The following FHIP1B variants were observed in gnomAD, a reference collection of about 807,000 sequenced individuals.
The protein encoded by FHIP1B is FHF complex subunit HOOK-interacting protein 1B.
FHIP1B carries 28 observed loss-of-function variants against 82.2 expected under a neutral mutation model. The ratio of observed to expected loss-of-function variants is 0.34; its 90% CI spans 0.25 to 0.47. The LOEUF (loss-of-function observed/expected upper bound fraction) is 0.47. Among genes scored for constraint, FHIP1B ranks in the 20% least tolerant of loss-of-function variants. The pLI, the probability that FHIP1B is intolerant of heterozygous loss-of-function variation, is 1.00. For missense variants in FHIP1B, 1,110 were observed against 1,262.6 expected, an observed-to-expected ratio of 0.88 and a Z score of 1.83; for synonymous variants, 585 against 516.1, an observed-to-expected ratio of 1.13 and a Z score of -1.81.
chr11:6,222,368 T>C, intron 6 of FHIP1B, 74 bp downstream of exon 6: 1 of 1,523,212 alleles, frequency 6.6e-7, no homozygotes, highest in Admixed American at 1.7e-5. Flanking sequence ...AGGGCAGGAA[T>C]ACCCTCCCAG....
intron 1 of FHIP1B, among the ~76,000 whole-genome samples, chr11:6,229,718 C>A (rs915055075): frequency 2.6e-5 from 4 of 152,038 alleles, no homozygotes; most frequent in Non-Finnish European, 5.9e-5. Context: ...CCTCCAGGAC[C>A]CTTCCTCACC....
At chr11:6,216,562 T>G (rs1847232080) in intron 9 of FHIP1B, 2 of 155,786 alleles carry the variant, frequency 1.3e-5, no homozygotes, top group Admixed American at 1.3e-4. Flanking sequence ...TTGGTTTTTT[T>G]GTTTTTTGGT....
At chr11:6,217,331 A>G in intron 9 of FHIP1B, 40 bp downstream of exon 9, 2 of 1,568,268 alleles carry the variant, frequency 1.3e-6, no homozygotes, top group Non-Finnish European at 1.8e-6. Flanking sequence ...AGAACATGCA[A>G]AGAGTACACA....
chr11:6,226,188 C>G (rs986893345), intron 1 of FHIP1B, among the ~76,000 whole-genome samples: 1 of 152,216 alleles, frequency 6.6e-6, no homozygotes, highest in Admixed American at 6.5e-5. Flanking sequence ...CCCAGATACT[C>G]TCTCACACAA....
rs17852844 is a variant in FHIP1B at position 6,217,635 on chromosome 11, G to A, written c.1951C>T (p.Leu651=). 2 of 1,614,004 alleles carry A rather than the reference G, an allele frequency of 1.2e-6. No individual in the cohort carries two copies. Among genetic ancestry groups the A allele is most frequent in the South Asian group, 2.2e-5 (2 of 91,058 alleles). Residue 651 remains leucine (L), a synonymous_variant, in exon 9 of 12, where the codon CTG becomes TTG. Coordinates refer to ENST00000449352, the MANE Select transcript of FHIP1B (RefSeq NM_001098794.2). ...SWPEGAKKVR[L]VPKEGAGELL... is the part of the protein sequence containing the mutation. ...TCCCCAGCTCCCTCCTTTGGCACCA[G>A]ACGAACCTTCTTGGCCCCCTCAGGC...
In FHIP1B at chr11:6,224,242, G is replaced by T. The variant is rs144273747; in HGVS notation, c.145C>A (p.Arg49=). The change falls in exon 3 of 12, where the codon CGA becomes AGA. Residue 49 remains arginine (R), a synonymous_variant. Transcript: ENST00000449352. ...VFKNHWSQVV[R]ILERQGPRAA... is the part of the protein sequence containing the mutation. The stretch of plus-strand genomic sequence containing the variant: ...CGAGGGCCTTGCCGCTCCAGGATTC[G>T]CACCACCTAGGGAAAAAGGACAGAA... 4.5e-5 allele frequency: 72 copies of T among 1,610,398 alleles called. No homozygotes were observed. In the African/African-American group the frequency reaches 6.9e-4, roughly 16 times the overall value.
chr11:6,230,801 A>T (rs1261000550), intron 1 of FHIP1B, among the ~76,000 whole-genome samples: 1 of 152,264 alleles, frequency 6.6e-6, no homozygotes, highest in African/African-American at 2.4e-5. Flanking sequence ...GGCAGAGAAG[A>T]AAAGGCATTC....
intron 1 of FHIP1B, among the ~76,000 whole-genome samples, chr11:6,233,775 G>A (rs907031327): frequency 3.9e-4 from 59 of 152,146 alleles, no homozygotes; most frequent in African/African-American, 1.4e-3. Flanking sequence ...AGTGGAATAA[G>A]GTTGTCCAGA....
chr11:6,216,867 A>T (rs1432624771), intron 9 of FHIP1B: 2 of 589,748 alleles, frequency 3.4e-6, no homozygotes, highest in Non-Finnish European at 6.0e-6. Context: ...GGGAGGAAGG[A>T]GCTGAGTAGG....
intron 1 of FHIP1B, among the ~76,000 whole-genome samples, chr11:6,231,119 T>A (rs913789827): frequency 3.4e-4 from 52 of 152,216 alleles, no homozygotes; most frequent in Middle Eastern, 6.8e-3. Context: ...AAAAATCATA[T>A]GAGGTGAGGG....
rs990279801 is a variant in FHIP1B, at chr11:6,217,659, G to A, written c.1927C>T (p.Pro643Ser). 6.2e-7 allele frequency: 1 copy of A among 1,613,984 alleles called. No individual in the cohort carries two copies. Among genetic ancestry groups the A allele is most frequent in the Admixed American group, 1.7e-5 (1 of 60,012 alleles). The change falls in exon 9 of 12, where the codon CCT (proline) becomes TCT (serine). Residue 643 changes from proline (P) to serine (S), a missense_variant. Coordinates refer to ENST00000449352, the MANE Select transcript of FHIP1B (RefSeq NM_001098794.2). ...PQLNGVPGSW[P>S]EGAKKVRLVP... ...AGACGAACCTTCTTGGCCCCCTCAG[G>A]CCATGATCCTGGCACTCCATTGAGC... is the stretch of plus-strand genomic sequence containing the variant.
In FHIP1B at chr11:6,224,612, C is replaced by T. The variant is rs896106108; in HGVS notation, c.-96G>A. On this transcript the variant is annotated 5_prime_UTR_variant, in exon 2 of 12. Transcript: ENST00000449352. ...ACTTGTGTCTCCAGTCTGCTTCATCCGGTCTGTAGGAGCCAGTAGCTGCCC... is the reference window on the plus strand; with the variant it reads ...ACTTGTGTCTCCAGTCTGCTTCATCTGGTCTGTAGGAGCCAGTAGCTGCCC... The T allele has an allele frequency of 1.2e-5, 17 of 1,360,416 alleles. No homozygotes were observed. The highest frequency in any genetic ancestry group is 2.6e-4 in the Middle Eastern group (1 of 3,790). 84.3% of individuals were successfully genotyped at this position (1,360,416 alleles called of 1,614,324 possible).
At chr11:6,222,403 G>A (rs1458474301) in intron 6 of FHIP1B, 39 bp downstream of exon 6, 11 of 1,607,660 alleles carry the variant, frequency 6.8e-6, no homozygotes, top group Non-Finnish European at 9.4e-6. Context: ...AAAGAAGATG[G>A]GTCATCCAGG....
rs1269990679 is a variant in FHIP1B, at chr11:6,218,958, C to T, written c.1271+13G>A. On this transcript the variant is annotated intron_variant, in intron 7 of 11. Transcript: ENST00000449352. The stretch of plus-strand genomic sequence containing the variant: ...CAGGGTCAGCCATCCCTCAGCCCTG[C>T]CCCAACAGATACCTGAGAACCAGCT... 1.9e-6 allele frequency: 3 copies of T among 1,613,672 alleles called. No homozygotes were observed. The highest frequency in any genetic ancestry group is 2.2e-5 in the East Asian group (1 of 44,868).
chr11:6,224,594 T>C lies in FHIP1B; in HGVS notation c.-78A>G, dbSNP rs1564868130. 2.1e-6 allele frequency: 3 copies of C among 1,462,980 alleles called. No homozygotes were observed. The highest frequency in any genetic ancestry group is 4.6e-5 in the East Asian group (2 of 43,374). 90.6% of individuals were successfully genotyped at this position (1,462,980 alleles called of 1,614,324 possible). Reference sequence around the variant, plus strand: ...CAGCTGGAGGTTTTCTCCACTTGTGTCTCCAGTCTGCTTCATCCGGTCTGT... The same window carrying C: ...CAGCTGGAGGTTTTCTCCACTTGTGCCTCCAGTCTGCTTCATCCGGTCTGT... On this transcript the variant is annotated 5_prime_UTR_variant, in exon 2 of 12. Transcript: ENST00000449352.
Position 6,222,588 on chromosome 11 carries a change from C to T in FHIP1B, c.1045G>A (p.Ala349Thr), listed in dbSNP as rs1042665045. The change falls in exon 6 of 12, where the codon GCC becomes ACC. Residue 349 changes from alanine (A) to threonine (T), a missense_variant. Transcript: ENST00000449352. ...AAAAGTTCCAGATAGGCGGTACTGG[C>T]GATCATCTCCTCCACAGAGGTCTGC... ...LHKTSVEEMI[A>T]STAYLELFLR... The T allele has an allele frequency of 5.0e-6, 8 of 1,614,010 alleles. No homozygotes were observed. In the East Asian group the frequency reaches 8.9e-5, roughly 18 times the overall value.
intron 6 of FHIP1B, among the ~76,000 whole-genome samples, chr11:6,220,124 C>A (rs1847365319): frequency 6.6e-6 from 1 of 152,058 alleles, no homozygotes; most frequent in African/African-American, 2.4e-5. Context: ...ATGTGAGTAT[C>A]CTAGATGAGA....
intron 6 of FHIP1B, among the ~76,000 whole-genome samples, chr11:6,219,579 T>C (rs536429185): frequency 6.6e-6 from 1 of 152,154 alleles, no homozygotes; most frequent in African/African-American, 2.4e-5. Context: ...AGTGTATCTC[T>C]CAGAAGGCAG....
At chr11:6,227,857 T>C (rs1046662643) in intron 1 of FHIP1B, among the ~76,000 whole-genome samples, 8 of 152,158 alleles carry the variant, frequency 5.3e-5, no homozygotes, top group African/African-American at 1.9e-4. Flanking sequence ...ATAACGATGA[T>C]CTAGACATCA....
Sources: gnomAD v4.1 joint callset for allele counts (sites outside exome capture counted in the v4.1 genomes callset) on GRCh38, gnomAD v4.1.1 for gene constraint, MANE v1.5 for transcripts, NCBI Gene and HGNC (gene_info 2026-07-23, HGNC 2026-07-21) for gene names.